The following DOCK3 variants were observed in gnomAD, a reference collection of about 807,000 sequenced individuals.
The protein encoded by DOCK3 is dedicator of cytokinesis 3.
DOCK3 carries 60 observed loss-of-function variants against 265.6 expected under a neutral mutation model. The ratio of observed to expected loss-of-function variants is 0.23; its 90% CI spans 0.18 to 0.28. DOCK3 has a LOEUF of 0.28. Among genes scored for constraint, DOCK3 ranks in the 10% least tolerant of loss-of-function variants. DOCK3 has a pLI of 1.00. For synonymous variants in DOCK3, 881 were observed against 938.0 expected, an observed-to-expected ratio of 0.94 and a Z score of 1.11; for missense variants, 1,981 against 2,594.3, an observed-to-expected ratio of 0.76 and a Z score of 5.14.
chr3:50,861,028 T>C (rs1329603107), intron 3 of DOCK3, among the ~76,000 whole-genome samples: 1 of 152,208 alleles, frequency 6.6e-6, no homozygotes, highest in African/African-American at 2.4e-5. Context: ...TAGCTCAGAC[T>C]GAAGACTGAA....
At chr3:50,723,653 G>A (rs953338886) in intron 1 of DOCK3, among the ~76,000 whole-genome samples, 1 of 152,162 alleles carries the variant, frequency 6.6e-6, no homozygotes, top group Non-Finnish European at 1.5e-5. Flanking sequence ...TATGCAGAAA[G>A]CTGAAACTGG....
At chr3:51,288,398 A>C (rs1650015250) in intron 27 of DOCK3, among the ~76,000 whole-genome samples, 2 of 151,868 alleles carry the variant, frequency 1.3e-5, no homozygotes, top group South Asian at 4.2e-4. Flanking sequence ...TCTCAAAAAA[A>C]AAAAAAAAAA....
rs1408754050 is a variant in DOCK3 at position 51,330,219 on chromosome 3, C to A, written c.3484C>A (p.Leu1162Ile). The A allele has an allele frequency of 6.3e-7, 1 of 1,592,022 alleles. No homozygotes were observed. The highest frequency in any genetic ancestry group is 8.6e-7 in the Non-Finnish European group (1 of 1,169,232). ...GDESYRELFS[L>I]LTQLFGPYPS... is the part of the protein sequence containing the mutation. ...CGAGAGCTACAGGGAGCTCTTCAGC[C>A]TACTGTAAGCTGCTCCAGCCCCAGG... The change falls in exon 33 of 53, where the codon CTA (leucine) becomes ATA (isoleucine). Residue 1162 changes from leucine to isoleucine, a missense_variant. Leu to Ile is a conservative substitution (Grantham distance 5). Coordinates refer to ENST00000266037, the MANE Select transcript of DOCK3 (RefSeq NM_004947.5).
At chr3:50,925,092 A>T (rs1214173027) in intron 4 of DOCK3, among the ~76,000 whole-genome samples, 2 of 152,050 alleles carry the variant, frequency 1.3e-5, no homozygotes, top group Non-Finnish European at 2.9e-5. Context: ...TGTTATTTTT[A>T]TGTCACTACC....
intron 5 of DOCK3, among the ~76,000 whole-genome samples, chr3:50,972,692 C>G (rs1200240592): frequency 6.6e-6 from 1 of 152,146 alleles, no homozygotes; most frequent in African/African-American, 2.4e-5. Context: ...TGCTAGGACT[C>G]CAGTGATGTG....
intron 5 of DOCK3, among the ~76,000 whole-genome samples, chr3:51,035,542 C>T (rs1287491374): frequency 6.6e-6 from 1 of 152,080 alleles, no homozygotes; most frequent in Non-Finnish European, 1.5e-5. Context: ...TCTGATAATT[C>T]CAACATCTTA....
intron 4 of DOCK3, among the ~76,000 whole-genome samples, chr3:50,896,868 A>C (rs1324190902): frequency 6.6e-6 from 1 of 152,048 alleles, no homozygotes; most frequent in East Asian, 1.9e-4. Context: ...TTGTACTAGT[A>C]CCTTGTGTTT....
chr3:50,956,358 C>T (rs1467571665), intron 5 of DOCK3, among the ~76,000 whole-genome samples: 1 of 152,176 alleles, frequency 6.6e-6, no homozygotes, highest in Non-Finnish European at 1.5e-5. Flanking sequence ...CTCATGTCTT[C>T]ACTACAACTC....
At chr3:50,958,537 A>G (rs2076792318) in intron 5 of DOCK3, among the ~76,000 whole-genome samples, 1 of 152,168 alleles carries the variant, frequency 6.6e-6, no homozygotes, top group African/African-American at 2.4e-5. Context: ...GCCCTAGATA[A>G]TCATTGCTCC....
chr3:51,114,317 A>G (rs979330737), intron 9 of DOCK3, among the ~76,000 whole-genome samples: 7 of 152,174 alleles, frequency 4.6e-5, no homozygotes, highest in African/African-American at 1.7e-4. Flanking sequence ...CAGACGGGAG[A>G]ATCAGTAGAA....
chr3:51,287,393 AT>A (rs1332726512), intron 27 of DOCK3, among the ~76,000 whole-genome samples: 4 of 152,108 alleles, frequency 2.6e-5, no homozygotes, highest in African/African-American at 9.7e-5. Flanking sequence ...GACAAAAAAA[AT>A]AAAATAAAAA....
intron 19 of DOCK3, among the ~76,000 whole-genome samples, chr3:51,231,424 C>G (rs1013147844): frequency 4.6e-5 from 7 of 152,082 alleles, no homozygotes; most frequent in African/African-American, 1.7e-4. Context: ...CCACCACACC[C>G]AGGCTTTTTG....
At chr3:50,885,360 T>A (rs1022987070) in intron 3 of DOCK3, among the ~76,000 whole-genome samples, 4 of 107,950 alleles carry the variant, frequency 3.7e-5, no homozygotes, top group Non-Finnish European at 7.1e-5. Flanking sequence ...AGCTTTTGTA[T>A]GCAGTTTTTT....
intron 9 of DOCK3, among the ~76,000 whole-genome samples, chr3:51,116,568 C>T (rs937410931): frequency 6.7e-6 from 1 of 149,962 alleles, no homozygotes; most frequent in African/African-American, 2.5e-5. Flanking sequence ...TGGCCATTTT[C>T]ACGATATTGA....
chr3:50,985,675 G>T (rs1342722108), intron 5 of DOCK3, among the ~76,000 whole-genome samples: 1 of 151,952 alleles, frequency 6.6e-6, no homozygotes, highest in Non-Finnish European at 1.5e-5. Flanking sequence ...GATGTGCCAG[G>T]CATTGTGCTG....
chr3:51,312,404 A>G (rs1560413984), intron 29 of DOCK3, 72 bp from the exon 30 acceptor site: 7 of 1,254,906 alleles, frequency 5.6e-6, no homozygotes, highest in East Asian at 4.6e-5. Flanking sequence ...TGCTACATGC[A>G]TGTATTTAGT....
At chr3:51,360,768 CA>C in intron 47 of DOCK3, 136 bp downstream of exon 47, 1 of 1,180,992 alleles carries the variant, frequency 8.5e-7, no homozygotes, top group Non-Finnish European at 1.2e-6. Context: ...TGGCTCCTGC[CA>C]TAGGACCCAC....
At chr3:50,969,169 A>C (rs2077120335) in intron 5 of DOCK3, among the ~76,000 whole-genome samples, 1 of 152,160 alleles carries the variant, frequency 6.6e-6, no homozygotes, top group African/African-American at 2.4e-5. Context: ...GTTTTGGGGC[A>C]TGTATATTTA....
intron 9 of DOCK3, among the ~76,000 whole-genome samples, chr3:51,104,797 T>A (rs2083217414): frequency 6.6e-6 from 1 of 152,204 alleles, no homozygotes; most frequent in African/African-American, 2.4e-5. Flanking sequence ...AAAATGTTTT[T>A]AATATTTTTG....
Sources: allele counts gnomAD v4.1 joint callset (sites outside exome capture counted in the v4.1 genomes callset), GRCh38; gene constraint gnomAD v4.1.1; transcripts MANE v1.5; gene names NCBI Gene and HGNC (gene_info 2026-07-23, HGNC 2026-07-21).